Variants in CDH11 observed in about 807,000 individuals in gnomAD.
The protein encoded by CDH11 is cadherin 11.
Under a neutral mutation model 67.8 loss-of-function variants are expected in CDH11, and 11 were observed. That is an observed-to-expected ratio of 0.16 (90% CI 0.10 to 0.27). The LOEUF (loss-of-function observed/expected upper bound fraction) is 0.27, where lower values mean the gene tolerates loss of function less well. CDH11 is among the 10% of genes least tolerant of loss of function. The probability of loss-of-function intolerance (pLI) is 1.00; values close to 1 mark genes in which losing one functional copy is unlikely to be tolerated. For missense variants in CDH11, 847 were observed against 1,031.2 expected, an observed-to-expected ratio of 0.82 and a Z score of 2.45; for synonymous variants, 419 against 400.0, an observed-to-expected ratio of 1.05 and a Z score of -0.57.
chr16:65,068,371 T>G (rs2074355265), intron 1 of CDH11, among the ~76,000 whole-genome samples: 1 of 117,052 alleles, frequency 8.5e-6, no homozygotes, highest in African/African-American at 3.3e-5. Context: ...GGCAGGTGGG[T>G]GAGAAGAATG....
At chr16:64,953,270 A>T (rs2071412245) in intron 11 of CDH11, among the ~76,000 whole-genome samples, 1 of 148,002 alleles carries the variant, frequency 6.8e-6, no homozygotes, top group East Asian at 2.0e-4. Flanking sequence ...CTATATATAG[A>T]TATATATATA....
chr16:65,117,689 A>G lies in CDH11; in HGVS notation c.-298+4191T>C, dbSNP rs2075264952. Among the ~76,000 whole-genome samples the G allele has an allele frequency of 2.6e-5, 4 of 152,208 alleles. No homozygotes were observed. In the South Asian group the frequency reaches 6.2e-4, roughly 24 times the overall value. On this transcript the variant is annotated intron_variant, in intron 1 of 12. Coordinates refer to ENST00000268603, the MANE Select transcript of CDH11 (RefSeq NM_001797.4). ...ACTGCTATTCCTTTTTGCAAATTAG[A>G]AGTGTCTTGCAGACATCTTCAAAAC...
At chr16:64,957,653 T>TATAC (rs2071555140) in intron 11 of CDH11, among the ~76,000 whole-genome samples, 1 of 151,128 alleles carries the variant, frequency 6.6e-6, no homozygotes, top group African/African-American at 2.4e-5. Context: ...TATATATATA[T>TATAC]ACATATATAT....
intron 10 of CDH11, 41 bp downstream of exon 10, chr16:64,971,890 A>G: frequency 4.4e-6 from 7 of 1,608,312 alleles, no homozygotes; most frequent in Non-Finnish European, 6.0e-6. Context: ...TCTATTTCCA[A>G]GTGCATTGTT....
chr16:65,041,295 C>T (rs2073863292), intron 2 of CDH11, among the ~76,000 whole-genome samples: 1 of 152,162 alleles, frequency 6.6e-6, no homozygotes, highest in South Asian at 2.1e-4. Flanking sequence ...ACTGATTGAC[C>T]AATCGCCACC....
chr16:65,094,637 C>G (rs756077808), intron 1 of CDH11: 1 of 152,170 alleles, frequency 6.6e-6, no homozygotes, highest in Non-Finnish European at 1.5e-5. Flanking sequence ...CTTTGTACCC[C>G]TCTCTGTGCT....
chr16:65,032,188 TG>T (rs966279744), intron 2 of CDH11, among the ~76,000 whole-genome samples: 1 of 151,982 alleles, frequency 6.6e-6, no homozygotes, highest in Non-Finnish European at 1.5e-5. Flanking sequence ...ATTCCTAAAC[TG>T]GCAAACAAAA....
At chr16:65,013,659 C>G (rs545063759) in intron 2 of CDH11, among the ~76,000 whole-genome samples, 1 of 151,786 alleles carries the variant, frequency 6.6e-6, no homozygotes, top group Non-Finnish European at 1.5e-5. Flanking sequence ...CCAGTTTCTA[C>G]TAAAAAAATA....
intron 2 of CDH11, among the ~76,000 whole-genome samples, chr16:65,006,487 T>C (rs1434099691): frequency 6.6e-6 from 1 of 152,178 alleles, no homozygotes; most frequent in Non-Finnish European, 1.5e-5. Context: ...TTTTACAATC[T>C]GGGTTACTCT....
At chr16:65,088,643 T>C (rs936104053) in intron 1 of CDH11, among the ~76,000 whole-genome samples, 2 of 152,186 alleles carry the variant, frequency 1.3e-5, no homozygotes, top group Admixed American at 6.5e-5. Flanking sequence ...TTGCCTCCTA[T>C]AAATAAAAAT....
intron 1 of CDH11, among the ~76,000 whole-genome samples, chr16:65,095,137 TG>T (rs2074866566): frequency 1.3e-5 from 2 of 152,138 alleles, no homozygotes; most frequent in African/African-American, 4.8e-5. Flanking sequence ...ACCCAGGGTT[TG>T]GGTCCAGGTC....
intron 4 of CDH11, among the ~76,000 whole-genome samples, chr16:64,996,818 T>C (rs1439736999): frequency 1.3e-5 from 2 of 152,140 alleles, no homozygotes; most frequent in Non-Finnish European, 2.9e-5. Context: ...ATGCTTTCAT[T>C]TATAACTGGA....
At chr16:65,049,587 C>T (rs1384554030) in intron 2 of CDH11, among the ~76,000 whole-genome samples, 1 of 152,144 alleles carries the variant, frequency 6.6e-6, no homozygotes, top group Admixed American at 6.5e-5. Flanking sequence ...CCTCTTTGCC[C>T]ATCACTAGCT....
chr16:64,981,986 T>G, intron 8 of CDH11, 62 bp downstream of exon 8: 1 of 1,488,106 alleles, frequency 6.7e-7, no homozygotes, highest in Non-Finnish European at 9.0e-7. Flanking sequence ...CTACAGGGCT[T>G]TCCCAGAACC....
At chr16:65,007,254 G>C (rs2073077965) in intron 2 of CDH11, 1 of 152,240 alleles carries the variant, frequency 6.6e-6, no homozygotes, top group Non-Finnish European at 1.5e-5. Context: ...CAGATGTGCA[G>C]TTAAAGCCTG....
intron 6 of CDH11, among the ~76,000 whole-genome samples, chr16:64,989,316 G>C (rs1277199991): frequency 2.0e-5 from 3 of 151,968 alleles, no homozygotes; most frequent in African/African-American, 7.3e-5. Flanking sequence ...ATGAATGTGA[G>C]CTATTTGTGA....
At chr16:64,970,907 A>G (rs1275812329) in intron 11 of CDH11, among the ~76,000 whole-genome samples, 1 of 152,214 alleles carries the variant, frequency 6.6e-6, no homozygotes, top group Non-Finnish European at 1.5e-5. Context: ...ACATATATTC[A>G]TCTTTCCTGG....
At chr16:65,078,002 T>C (rs1438300718) in intron 1 of CDH11, among the ~76,000 whole-genome samples, 1 of 152,204 alleles carries the variant, frequency 6.6e-6, no homozygotes, top group Non-Finnish European at 1.5e-5. Context: ...AGGGTAGCAA[T>C]TAGGTTGATC....
In CDH11 at chr16:65,003,087, T is replaced by G. The variant is rs1283345203; in HGVS notation, c.228+1555A>C. On this transcript the variant is annotated intron_variant, in intron 3 of 12. Coordinates refer to ENST00000268603, the MANE Select transcript of CDH11 (RefSeq NM_001797.4). ...ATGTATCTAAGGATCTATCTTTGTT[T>G]TTTTTTTTTTTGAGATGGAGGCCTT... is the stretch of plus-strand genomic sequence containing the variant. 1.5e-3 allele frequency among the ~76,000 whole-genome samples: 230 copies of G among 149,708 alleles called. 1 individual carries two copies. The highest frequency in any genetic ancestry group is 5.3e-3 in the African/African-American group (218 of 41,168).
Sources: allele counts gnomAD v4.1 joint callset (sites outside exome capture counted in the v4.1 genomes callset), GRCh38; gene constraint gnomAD v4.1.1; transcripts MANE v1.5; gene names NCBI Gene and HGNC (gene_info 2026-07-23, HGNC 2026-07-21).